Variants in USP40 observed in about 807,000 individuals in gnomAD.
The protein encoded by USP40 is ubiquitin specific peptidase 40.
Under a neutral mutation model 166.2 loss-of-function variants are expected in USP40, and 143 were observed. The ratio of observed to expected loss-of-function variants is 0.86; its 90% CI spans 0.75 to 0.99. The LOEUF (loss-of-function observed/expected upper bound fraction) is 0.99, where lower values mean the gene tolerates loss of function less well. Ranked by LOEUF, USP40 falls within the 50% of genes least tolerant of loss-of-function variation. The pLI is 0.00. For missense variants in USP40, 1,444 were observed against 1,479.7 expected (o/e 0.98, Z 0.40); for synonymous variants, 498 against 524.0 (o/e 0.95, Z 0.68).
chr2:233,533,482 C>T lies in USP40; in HGVS notation c.1468G>A (p.Glu490Lys), dbSNP rs1559262541. The T allele has an allele frequency of 4.3e-6, 7 of 1,612,606 alleles. No homozygotes were observed. The South Asian group carries it at 5.5e-5, about 13-fold the overall frequency. ...AGGAACATTTTTCTTTCCATACCTT[C>T]AGGGGGTCTCTGCAACTGGGATTTC... ...YRKSQLQRPP[E>K]ARANPRYGVP... The change falls in exon 11 of 32, where the codon GAA (glutamate) becomes AAA (lysine). Residue 490 changes from glutamate to lysine, a missense_variant. Transcript: ENST00000678225.
In USP40 at chr2:233,549,054, T is replaced by G. The variant is rs776951115; in HGVS notation, c.966+47A>C. ...AATTTCCTCAACAAAATAATAGGAA[T>G]AGAAAAGAAATTGCAAAGATATTTC... On this transcript the variant is annotated intron_variant, in intron 8 of 31. Coordinates refer to ENST00000678225, the MANE Select transcript of USP40 (RefSeq NM_001365479.2). 40 of 1,534,042 alleles carry G rather than the reference T, an allele frequency of 2.6e-5. 1 individual carries two copies. In the South Asian group the frequency reaches 4.1e-4, roughly 16 times the overall value.
chr2:233,553,950 G>T (rs1324111649), intron 6 of USP40, among the ~76,000 whole-genome samples: 3 of 152,144 alleles, frequency 2.0e-5, no homozygotes, highest in Admixed American at 1.3e-4. Flanking sequence ...AGGAGGTAAG[G>T]CTATATTGGA....
At position 233,539,591 on chromosome 2, in the gene USP40, A is replaced by C. The variant is rs551059624; in HGVS notation, c.1170+1071T>G. On this transcript the variant is annotated intron_variant, in intron 10 of 31. Coordinates refer to ENST00000678225, the MANE Select transcript of USP40 (RefSeq NM_001365479.2). The stretch of plus-strand genomic sequence containing the variant: ...CTGAATGAAAATGAAAGCTTGTTGA[A>C]TATAACTGACTATATTCAACAATAT... Among the ~76,000 whole-genome samples the C allele has an allele frequency of 3.3e-5, 5 of 152,300 alleles. 1 individual carries two copies. In the East Asian group the frequency reaches 9.6e-4, roughly 29 times the overall value.
At chr2:233,548,983 C>A in intron 8 of USP40, 118 bp downstream of exon 8, 1 of 912,544 alleles carries the variant, frequency 1.1e-6, no homozygotes, top group Non-Finnish European at 1.6e-6. Flanking sequence ...CTTTCAGTGC[C>A]TATCAAAGTT....
chr2:233,565,800 T>C (rs1037324211), intron 1 of USP40, among the ~76,000 whole-genome samples: 3 of 152,150 alleles, frequency 2.0e-5, no homozygotes, highest in Non-Finnish European at 4.4e-5. Flanking sequence ...TTCTTATGTG[T>C]AAAATAGGAT....
At chr2:233,484,905 G>A (rs763935935) in intron 30 of USP40, among the ~76,000 whole-genome samples, 7 of 152,164 alleles carry the variant, frequency 4.6e-5, no homozygotes, top group Non-Finnish European at 7.4e-5. Context: ...GTGTTGTTTA[G>A]TACAGTGTTA....
intron 10 of USP40, among the ~76,000 whole-genome samples, chr2:233,534,202 G>T (rs1174123096): frequency 1.3e-5 from 2 of 152,186 alleles, no homozygotes; most frequent in East Asian, 3.8e-4. Flanking sequence ...TTGGGATAAG[G>T]TAGTAATTAT....
chr2:233,494,987 C>CA (rs1559224605), intron 24 of USP40, among the ~76,000 whole-genome samples: 1 of 67,848 alleles, frequency 1.5e-5, no homozygotes, highest in African/African-American at 7.0e-5. Context: ...TATACACACA[C>CA]ATAAAAAATA....
At position 233,486,652 on chromosome 2, in the gene USP40, T is replaced by C. The variant is rs2125047827; in HGVS notation, c.3198-675A>G. ...GTTCTTAGGATGCTGAGACAATGAATGATTTTTAGATGTACTTCTATTAAG... is the reference window on the plus strand; with the variant it reads ...GTTCTTAGGATGCTGAGACAATGAACGATTTTTAGATGTACTTCTATTAAG... On this transcript the variant is annotated intron_variant, in intron 28 of 31. Transcript: ENST00000678225. The surrounding 1 kb of genome is among the most constrained non-coding windows in gnomAD (Gnocchi z 4.0). Among the ~76,000 whole-genome samples the C allele has an allele frequency of 6.6e-6, 1 of 152,292 alleles. No homozygotes were observed. Among genetic ancestry groups the C allele is most frequent in the Admixed American group, 6.5e-5 (1 of 15,306 alleles).
At chr2:233,510,007 AAACACACAC>A (rs2066693322) in intron 21 of USP40, 33 bp downstream of exon 21, 1 of 1,474,544 alleles carries the variant, frequency 6.8e-7, no homozygotes, top group East Asian at 2.4e-5. Flanking sequence ...GCAAACATAC[AAACACACAC>A]AGCCTCTGAA....
At position 233,485,572 on chromosome 2, in the gene USP40, C is replaced by T. The variant is rs1195705523; in HGVS notation, c.3463G>A (p.Ala1155Thr). The T allele has an allele frequency of 6.2e-7, 1 of 1,613,912 alleles. No homozygotes were observed. Among genetic ancestry groups the T allele is most frequent in the Middle Eastern group, 1.6e-4 (1 of 6,062 alleles). The stretch of plus-strand genomic sequence containing the variant: ...TCTCCGTCTTTCAAGTAATACGGTG[C>T]CCCTTGCAAATAATCTTGTTTTTTT... Reference protein sequence around the residue: ...KKKKQDYLQGAPYYLKDGDTI... With the variant: ...KKKKQDYLQGTPYYLKDGDTI... Residue 1155 changes from alanine to threonine, a missense_variant, in exon 30 of 32, where the codon GCA becomes ACA. Coordinates refer to ENST00000678225, the MANE Select transcript of USP40 (RefSeq NM_001365479.2).
chr2:233,488,851 G>A (rs909132120), intron 27 of USP40, among the ~76,000 whole-genome samples: 1 of 152,078 alleles, frequency 6.6e-6, no homozygotes, highest in African/African-American at 2.4e-5. Flanking sequence ...GGCTGTAGTT[G>A]AGCCATGATC....
At chr2:233,542,225 A>T in intron 9 of USP40, 43 bp downstream of exon 9, 2 of 1,209,838 alleles carry the variant, frequency 1.7e-6, no homozygotes, top group Non-Finnish European at 2.3e-6. Context: ...ACATACACAC[A>T]ATACATACCA....
intron 11 of USP40, among the ~76,000 whole-genome samples, chr2:233,531,772 T>C (rs1294678822): frequency 2.0e-5 from 3 of 152,236 alleles, no homozygotes; most frequent in African/African-American, 7.2e-5. Context: ...AAGAACAATA[T>C]TCTCATCTCT....
chr2:233,527,629 T>A, intron 12 of USP40, 51 bp from the exon 13 acceptor site: 1 of 1,446,250 alleles, frequency 6.9e-7, no homozygotes, highest in Non-Finnish European at 9.2e-7. Context: ...TAACAGACAC[T>A]GTGTTTTATC....
intron 4 of USP40, among the ~76,000 whole-genome samples, chr2:233,558,134 A>G (rs2071264563): frequency 6.6e-6 from 1 of 152,080 alleles, no homozygotes. Context: ...ATCACTGGCT[A>G]TGATGGGATA....
In USP40 at chr2:233,512,623, C is replaced by CTA. The variant is rs1238413349; in HGVS notation, c.2384-3_2384-2dup. The CTA allele has an allele frequency of 1.2e-5, 16 of 1,337,136 alleles. No individual in the cohort carries two copies. The highest frequency in any genetic ancestry group is 2.2e-5 in the African/African-American group (1 of 45,606). 82.8% of individuals were successfully genotyped at this position (1,337,136 alleles called of 1,614,324 possible). On this transcript the variant is annotated splice_acceptor_variant, in intron 18 of 31. Coordinates refer to ENST00000678225, the MANE Select transcript of USP40 (RefSeq NM_001365479.2). LOFTEE classifies it high-confidence loss of function. ...ATAGGTCTCAAACAGCTGTTGTCAGCTATATATAAAAGGAATATTATTTTT... is the reference window on the plus strand; with the variant it reads ...ATAGGTCTCAAACAGCTGTTGTCAGCTATATATATAAAAGGAATATTATTTTT...
At chr2:233,541,008 T>A (rs2069359408) in intron 9 of USP40, among the ~76,000 whole-genome samples, 1 of 152,198 alleles carries the variant, frequency 6.6e-6, no homozygotes, top group South Asian at 2.1e-4. Flanking sequence ...TGAAGAGCAA[T>A]ATCAAAAGTA....
intron 30 of USP40, among the ~76,000 whole-genome samples, chr2:233,482,673 C>A (rs1280995061): frequency 6.6e-6 from 1 of 151,646 alleles, no homozygotes; most frequent in East Asian, 1.9e-4. Flanking sequence ...TCACTACAAC[C>A]TCCACCTCCT....
Sources: allele counts gnomAD v4.1 joint callset (sites outside exome capture counted in the v4.1 genomes callset), GRCh38; gene constraint gnomAD v4.1.1; non-coding constraint Gnocchi (gnomAD v3.1); transcripts MANE v1.5; gene names NCBI Gene and HGNC (gene_info 2026-07-23, HGNC 2026-07-21).